GAS7: variants seen among roughly 807,000 people sequenced by gnomAD.
GAS7 encodes growth arrest specific 7.
In GAS7, 28 loss-of-function variants were observed where a neutral mutation model predicts 71.1. The observed-to-expected ratio is 0.39, with a 90% CI of 0.29 to 0.54. The LOEUF (loss-of-function observed/expected upper bound fraction) is 0.54. Ranked by LOEUF, GAS7 falls within the 20% of genes least tolerant of loss-of-function variation. The pLI, the probability that GAS7 is intolerant of heterozygous loss-of-function variation, is 0.62. For synonymous variants in GAS7, 258 were observed against 245.8 expected, an observed-to-expected ratio of 1.05 and a Z score of -0.46; for missense variants, 436 against 627.8, an observed-to-expected ratio of 0.69 and a Z score of 3.27.
chr17:10,117,950 A>ATTCTC (rs1388020672), intron 1 of GAS7, among the ~76,000 whole-genome samples: 7 of 152,170 alleles, frequency 4.6e-5, no homozygotes, highest in Non-Finnish European at 8.8e-5. Flanking sequence ...TGGAAGGACA[A>ATTCTC]ACTAGCCATT....
intron 2 of GAS7, among the ~76,000 whole-genome samples, chr17:10,007,975 T>C (rs1160035887): frequency 6.6e-6 from 1 of 152,202 alleles, no homozygotes; most frequent in East Asian, 1.9e-4. Flanking sequence ...CAGAATCATA[T>C]GGCACACGGC....
At chr17:10,040,495 AATC>A (rs2072842335) in intron 1 of GAS7, among the ~76,000 whole-genome samples, 1 of 152,136 alleles carries the variant, frequency 6.6e-6, no homozygotes, top group Non-Finnish European at 1.5e-5. Flanking sequence ...GCTTTGTAGA[AATC>A]ATCATGATAC....
chr17:10,123,290 C>T (rs1005571446), intron 1 of GAS7, among the ~76,000 whole-genome samples: 2 of 152,182 alleles, frequency 1.3e-5, no homozygotes, highest in African/African-American at 4.8e-5. Flanking sequence ...GGGTTCTGAG[C>T]CAGCAGGTCT....
At chr17:10,056,186 C>G (rs149285128) in intron 1 of GAS7, among the ~76,000 whole-genome samples, 2,179 of 152,084 alleles carry the variant, frequency 0.014, 59 homozygotes, top group African/African-American at 0.05. Flanking sequence ...TAGTGAGACC[C>G]CCATCTCTAC....
intron 2 of GAS7, among the ~76,000 whole-genome samples, chr17:10,012,736 G>C (rs527607201): frequency 6.6e-6 from 1 of 152,308 alleles, no homozygotes; most frequent in East Asian, 1.9e-4. Context: ...CCATGTGCCA[G>C]TATGAAGCGG....
intron 4 of GAS7, among the ~76,000 whole-genome samples, chr17:9,967,424 C>G (rs201383713): frequency 6.9e-6 from 1 of 144,052 alleles, no homozygotes; most frequent in Non-Finnish European, 1.5e-5. Flanking sequence ...TAGCACCCCC[C>G]CTCCCCAGGC....
chr17:9,969,033 T>A lies in GAS7; in HGVS notation c.471+644A>T, dbSNP rs904619058. ...ACGCAACTAGAAAAGCCGTAAGCAC[T>A]GACATCAAGGTCCAGTCTAACCACT... On this transcript the variant is annotated intron_variant, in intron 4 of 13. Coordinates refer to ENST00000432992, the MANE Select transcript of GAS7 (RefSeq NM_201433.2). The surrounding 1 kb of genome is among the most constrained non-coding windows in gnomAD (Gnocchi z 5.5). Among the ~76,000 whole-genome samples the A allele has an allele frequency of 6.6e-6, 1 of 152,194 alleles. No homozygotes were observed. The highest frequency in any genetic ancestry group is 1.5e-5 in the Non-Finnish European group (1 of 68,046).
intron 1 of GAS7, among the ~76,000 whole-genome samples, chr17:10,053,430 G>A (rs1454834573): frequency 6.6e-6 from 1 of 152,134 alleles, no homozygotes; most frequent in Non-Finnish European, 1.5e-5. Flanking sequence ...TACATGTGTG[G>A]CTGGCTCTTT....
In GAS7 at chr17:10,089,147, C is replaced by A. The variant is rs566243121; in HGVS notation, c.184-69250G>T. Among the ~76,000 whole-genome samples, 563 of 151,730 alleles carry A rather than the reference C, an allele frequency of 3.7e-3. 2 individuals are homozygous for A. Among genetic ancestry groups the A allele is most frequent in the African/African-American group, 0.013 (520 of 41,340 alleles). Reference sequence around the variant, plus strand: ...TTGCACTCCAGCCTGGGCCACAGAGCAGACTCTGTCTCAAAAAAGAAAAAA... The same window carrying A: ...TTGCACTCCAGCCTGGGCCACAGAGAAGACTCTGTCTCAAAAAAGAAAAAA... On this transcript the variant is annotated intron_variant, in intron 1 of 13. Transcript: ENST00000432992.
intron 2 of GAS7, among the ~76,000 whole-genome samples, chr17:10,005,977 G>C (rs544978521): frequency 3.9e-5 from 6 of 152,284 alleles, no homozygotes; most frequent in Non-Finnish European, 1.5e-5. Flanking sequence ...ACGAGTACTG[G>C]TTGATCTAAT....
intron 1 of GAS7, among the ~76,000 whole-genome samples, chr17:10,144,708 T>C (rs994974799): frequency 2.0e-5 from 3 of 151,800 alleles, no homozygotes; most frequent in Admixed American, 6.6e-5. Context: ...CATGCCCAGA[T>C]AATTTTGGAA....
At chr17:10,050,681 C>T (rs1024196729) in intron 1 of GAS7, among the ~76,000 whole-genome samples, 1 of 152,204 alleles carries the variant, frequency 6.6e-6, no homozygotes, top group African/African-American at 2.4e-5. Flanking sequence ...CGTCTGTTAG[C>T]AGCCAGGCAA....
At position 10,159,065 on chromosome 17, in the gene GAS7, CATATAT is replaced by C. The variant is rs745794234; in HGVS notation, c.183+39137_183+39142del. ...ACAGAGTGAGACACTGTCTCTAAAA[CATATAT>C]ATATATATATATATATATATATATA... On this transcript the variant is annotated intron_variant, in intron 1 of 13. Coordinates refer to ENST00000432992, the MANE Select transcript of GAS7 (RefSeq NM_201433.2). Among the ~76,000 whole-genome samples, 983 of 59,976 alleles carry C rather than the reference CATATAT, an allele frequency of 0.016. 181 individuals are homozygous for C. In the East Asian group the frequency reaches 0.23, roughly 14 times the overall value. The allele number at this position is 59,976 out of a possible 152,430, so 39.3% of individuals were successfully genotyped here.
At chr17:9,930,034 G>C (rs890983606) in intron 9 of GAS7, among the ~76,000 whole-genome samples, 20 of 152,180 alleles carry the variant, frequency 1.3e-4, no homozygotes, top group African/African-American at 4.8e-4. Context: ...AGGAATTTCA[G>C]ACACTGTCTA....
chr17:10,107,327 T>G (rs984925636), intron 1 of GAS7, among the ~76,000 whole-genome samples: 1 of 144,230 alleles, frequency 6.9e-6, no homozygotes, highest in Non-Finnish European at 1.5e-5. Context: ...GGCCCCAGGT[T>G]CAAGAGGCCA....
rs148081962 is a variant in GAS7 at position 9,990,960 on chromosome 17, G to A, written c.305-9076C>T. 4.2e-3 allele frequency among the ~76,000 whole-genome samples: 645 copies of A among 152,274 alleles called. 19 individuals carry two copies. Among genetic ancestry groups the A allele is most frequent in the Admixed American group, 0.033 (499 of 15,286 alleles). Reference sequence around the variant, plus strand: ...CCTTTTAACAAGGACCATGTTATTTGGCCTCGGTTTCCCTGTTGTAAAGTA... The same window carrying A: ...CCTTTTAACAAGGACCATGTTATTTAGCCTCGGTTTCCCTGTTGTAAAGTA... On this transcript the variant is annotated intron_variant, in intron 2 of 13. Coordinates refer to ENST00000432992, the MANE Select transcript of GAS7 (RefSeq NM_201433.2).
At chr17:10,113,056 G>C (rs2073828935) in intron 1 of GAS7, among the ~76,000 whole-genome samples, 1 of 152,142 alleles carries the variant, frequency 6.6e-6, no homozygotes, top group African/African-American at 2.4e-5. Flanking sequence ...CAGGGAAGCA[G>C]AGAGGGACCC....
chr17:10,011,159 A>G (rs2071755447), intron 2 of GAS7, among the ~76,000 whole-genome samples: 2 of 152,198 alleles, frequency 1.3e-5, no homozygotes, highest in South Asian at 4.1e-4. Context: ...CAGTTCTAGG[A>G]GAGTCTCTGC....
Position 10,034,742 on chromosome 17 carries a change from C to T in GAS7, c.184-14845G>A, listed in dbSNP as rs2072706526. 6.6e-6 allele frequency among the ~76,000 whole-genome samples: 1 copy of T among 152,254 alleles called. No individual in the cohort carries two copies. Among genetic ancestry groups the T allele is most frequent in the Admixed American group, 6.5e-5 (1 of 15,292 alleles). On this transcript the variant is annotated intron_variant, in intron 1 of 13. Coordinates refer to ENST00000432992, the MANE Select transcript of GAS7 (RefSeq NM_201433.2). This position sits in a 1 kb window ranked among gnomAD's most constrained non-coding sequence, Gnocchi z 4.4. ...CATCTGACTGTTCCTGAAACGTGGGCTGTGCCCCAAACACCAAGGATCCTG... is the reference window on the plus strand; with the variant it reads ...CATCTGACTGTTCCTGAAACGTGGGTTGTGCCCCAAACACCAAGGATCCTG...
Sources: allele counts gnomAD v4.1 joint callset (sites outside exome capture counted in the v4.1 genomes callset), GRCh38; gene constraint gnomAD v4.1.1; non-coding constraint Gnocchi (gnomAD v3.1); transcripts MANE v1.5; gene names NCBI Gene and HGNC (gene_info 2026-07-23, HGNC 2026-07-21).